Variants in CDH4 observed in about 807,000 individuals in gnomAD.
CDH4 encodes the protein cadherin 4.
Under a neutral mutation model 86.0 loss-of-function variants are expected in CDH4, and 33 were observed. That is an observed-to-expected ratio of 0.38 (90% CI 0.29 to 0.51). The LOEUF (loss-of-function observed/expected upper bound fraction) is 0.51. Among genes scored for constraint, CDH4 ranks in the 20% least tolerant of loss-of-function variants. The pLI is 0.86. For missense variants in CDH4, 1,114 were observed against 1,307.4 expected (o/e 0.85, Z 2.28); for synonymous variants, 555 against 549.4 (o/e 1.01, Z -0.14).
intron 4 of CDH4, among the ~76,000 whole-genome samples, chr20:61,839,075 T>C (rs1046328948): frequency 1.3e-5 from 2 of 152,158 alleles, no homozygotes; most frequent in Non-Finnish European, 2.9e-5. Context: ...CCTGGGAACA[T>C]CTCTGGGCTT....
At chr20:61,256,353 C>G (rs1050756211) in intron 2 of CDH4, among the ~76,000 whole-genome samples, 1 of 152,212 alleles carries the variant, frequency 6.6e-6, no homozygotes, top group Non-Finnish European at 1.5e-5. Flanking sequence ...CCATTTTACT[C>G]AGGCACTTCA....
At chr20:61,702,779 T>C (rs2087790730) in intron 2 of CDH4, among the ~76,000 whole-genome samples, 1 of 152,188 alleles carries the variant, frequency 6.6e-6, no homozygotes, top group Non-Finnish European at 1.5e-5. Context: ...TAGTTTATCG[T>C]GTTATTTTTT....
intron 4 of CDH4, among the ~76,000 whole-genome samples, chr20:61,818,630 A>G (rs1024188513): frequency 6.6e-5 from 10 of 150,414 alleles, no homozygotes; most frequent in African/African-American, 2.4e-4. Flanking sequence ...GTGAGCTATG[A>G]TTGCCCCACT....
At chr20:61,750,247 G>T (rs1282434592) in intron 3 of CDH4, among the ~76,000 whole-genome samples, 2 of 152,052 alleles carry the variant, frequency 1.3e-5, no homozygotes, top group Non-Finnish European at 2.9e-5. Flanking sequence ...TGAGCAAAAA[G>T]AAAAGGTATA....
In CDH4 at chr20:61,565,238, G is replaced by A. The variant is rs1242095553; in HGVS notation, c.170-178325G>A. 1.6e-3 allele frequency among the ~76,000 whole-genome samples: 106 copies of A among 64,792 alleles called. 3 individuals carry two copies. Among genetic ancestry groups the A allele is most frequent in the South Asian group, 0.014 (21 of 1,518 alleles). The allele number at this position is 64,792 out of a possible 152,430, so 42.5% of individuals were successfully genotyped here. On this transcript the variant is annotated intron_variant, in intron 2 of 15. Coordinates refer to ENST00000614565, the MANE Select transcript of CDH4 (RefSeq NM_001794.5). ...CTCGGTGGTAGGTGGTGGTGGTGGT[G>A]GTGGCGGTGCTCTTGGTGATGGTGG... is the stretch of plus-strand genomic sequence containing the variant.
chr20:61,712,408 G>A (rs1464004457), intron 2 of CDH4, among the ~76,000 whole-genome samples: 1 of 152,148 alleles, frequency 6.6e-6, no homozygotes, highest in Admixed American at 6.5e-5. Flanking sequence ...CTCTGGCAGG[G>A]CCAACAGTGT....
intron 3 of CDH4, among the ~76,000 whole-genome samples, chr20:61,746,696 A>C (rs1401644888): frequency 6.6e-6 from 1 of 152,202 alleles, no homozygotes. Context: ...TGGGAGAGTA[A>C]TGCTACCCAT....
chr20:61,630,986 G>GC (rs1001698310), intron 2 of CDH4, among the ~76,000 whole-genome samples: 5 of 152,226 alleles, frequency 3.3e-5, no homozygotes, highest in Admixed American at 6.5e-5. Flanking sequence ...AGGTGGGCGT[G>GC]CCCCAGGAAA....
intron 2 of CDH4, among the ~76,000 whole-genome samples, chr20:61,731,307 T>G (rs1303134571): frequency 2.0e-5 from 3 of 152,120 alleles, no homozygotes; most frequent in Non-Finnish European, 4.4e-5. Context: ...CCCTCACACG[T>G]GCCCAGTCAG....
intron 2 of CDH4, among the ~76,000 whole-genome samples, chr20:61,402,314 C>G (rs766609472): frequency 5.9e-5 from 9 of 152,106 alleles, no homozygotes; most frequent in Non-Finnish European, 1.2e-4. Context: ...AATGTAAATG[C>G]TATGTAAATA....
chr20:61,710,398 C>T (rs1295507849), intron 2 of CDH4, among the ~76,000 whole-genome samples: 1 of 152,208 alleles, frequency 6.6e-6, no homozygotes, highest in Non-Finnish European at 1.5e-5. Context: ...ACAGGAACTC[C>T]CAAGCTGCCA....
intron 4 of CDH4, among the ~76,000 whole-genome samples, chr20:61,787,084 T>TATCC (rs1978918705): frequency 6.6e-6 from 1 of 151,598 alleles, no homozygotes; most frequent in Non-Finnish European, 1.5e-5. Context: ...TGGTGGCCAT[T>TATCC]ATCCATCCAT....
chr20:61,832,976 C>T (rs936027492), intron 4 of CDH4, among the ~76,000 whole-genome samples: 1 of 152,122 alleles, frequency 6.6e-6, no homozygotes, highest in African/African-American at 2.4e-5. Context: ...GGGATGTAAG[C>T]ACAGAAGTGT....
chr20:61,315,867 C>G (rs1428636026), intron 2 of CDH4, among the ~76,000 whole-genome samples: 7 of 152,144 alleles, frequency 4.6e-5, no homozygotes, highest in Non-Finnish European at 1.0e-4. Flanking sequence ...CCATGTCCAG[C>G]TAATTTTTTG....
At position 61,929,803 on chromosome 20, in the gene CDH4, G is replaced by A; in HGVS notation, c.2200G>A (p.Ala734Thr). ...GGCAGCGGCTGGTCTGGGCACCGGTGCCATCGTGGCCATCCTCATCTGCAT... is the reference window on the plus strand; with the variant it reads ...GGCAGCGGCTGGTCTGGGCACCGGTACCATCGTGGCCATCCTCATCTGCAT... ...AVAAAGLGTG[A>T]IVAILICILI... The change falls in exon 13 of 16, where the codon GCC becomes ACC. Residue 734 changes from alanine (A) to threonine (T), a missense_variant. Around this residue, in one of 3 missense-constraint regions of CDH4, gnomAD observed 705 missense variants for 914.1 expected, o/e 0.77. Coordinates refer to ENST00000614565, the MANE Select transcript of CDH4 (RefSeq NM_001794.5). 6.2e-7 allele frequency: 1 copy of A among 1,614,012 alleles called. No individual in the cohort carries two copies. Among genetic ancestry groups the A allele is most frequent in the Non-Finnish European group, 8.5e-7 (1 of 1,180,038 alleles).
chr20:61,803,614 T>G (rs1601004748), intron 4 of CDH4, among the ~76,000 whole-genome samples: 1 of 152,084 alleles, frequency 6.6e-6, no homozygotes, highest in Non-Finnish European at 1.5e-5. Context: ...GCCTGGAGGG[T>G]GGGGCATCTT....
chr20:61,499,050 C>T (rs762165682), intron 2 of CDH4, among the ~76,000 whole-genome samples: 7 of 152,176 alleles, frequency 4.6e-5, no homozygotes, highest in Non-Finnish European at 8.8e-5. Context: ...GGCCTCCAGG[C>T]TGCATGGCGG....
At chr20:61,297,004 G>A (rs1236473787) in intron 2 of CDH4, among the ~76,000 whole-genome samples, 1 of 152,182 alleles carries the variant, frequency 6.6e-6, no homozygotes, top group Non-Finnish European at 1.5e-5. Context: ...GGGACCCCAG[G>A]ACTCCAGGAC....
intron 9 of CDH4, among the ~76,000 whole-genome samples, chr20:61,915,809 C>T (rs911621121): frequency 2.6e-5 from 4 of 152,062 alleles, no homozygotes; most frequent in African/African-American, 4.8e-5. Flanking sequence ...GCACCTTGGC[C>T]GTGGGGCTGG....
Sources: allele counts gnomAD v4.1 joint callset (sites outside exome capture counted in the v4.1 genomes callset), GRCh38; gene constraint gnomAD v4.1.1; regional missense constraint gnomAD v4.1.1; transcripts MANE v1.5; gene names NCBI Gene and HGNC (gene_info 2026-07-23, HGNC 2026-07-21).